Variants in AHCTF1 observed in about 807,000 individuals in gnomAD.
AHCTF1 encodes AT-hook containing transcription factor 1.
A neutral mutation model predicts 248.4 loss-of-function variants in AHCTF1; 24 were observed. The observed-to-expected ratio is 0.10, with a 90% CI of 0.07 to 0.14. AHCTF1 has a LOEUF of 0.14. Among genes scored for constraint, AHCTF1 ranks in the 10% least tolerant of loss-of-function variants. AHCTF1 has a pLI of 1.00. For missense variants in AHCTF1, 2,206 were observed against 2,636.2 expected (o/e 0.84, Z 3.57); for synonymous variants, 786 against 929.8 (o/e 0.85, Z 2.81).
intron 14 of AHCTF1, among the ~76,000 whole-genome samples, chr1:246,893,182 A>G (rs1176078577): frequency 6.6e-6 from 1 of 152,192 alleles, no homozygotes; most frequent in African/African-American, 2.4e-5. Flanking sequence ...CTCTTAAAAA[A>G]ATGAGGACAT....
intron 1 of AHCTF1, among the ~76,000 whole-genome samples, chr1:246,927,669 C>CTAGA (rs1667034862): frequency 6.6e-6 from 1 of 152,232 alleles, no homozygotes; most frequent in South Asian, 2.1e-4. Flanking sequence ...TTTCCAAAGG[C>CTAGA]TAGATAGGCA....
At chr1:246,927,733 G>A (rs1572482813) in intron 1 of AHCTF1, among the ~76,000 whole-genome samples, 1 of 152,308 alleles carries the variant, frequency 6.6e-6, no homozygotes, top group Non-Finnish European at 1.5e-5. Context: ...GGCCGGGCGC[G>A]GTAGCTCAAG....
Position 246,843,934 on chromosome 1 carries a change from A to C in AHCTF1, c.6392-6T>G. ...AGGAACCTCTATTTTTTTAGCTAAA[A>C]AAAGTTGAAAAAACTGTATCTGTAT... On this transcript the variant is annotated splice_polypyrimidine_tract_variant and splice_region_variant and intron_variant, in intron 33 of 35. Coordinates refer to ENST00000648844, the MANE Select transcript of AHCTF1 (RefSeq NM_001323342.2). 7.0e-7 allele frequency: 1 copy of C among 1,429,948 alleles called. No individual in the cohort carries two copies. The highest frequency in any genetic ancestry group is 9.2e-7 in the Non-Finnish European group (1 of 1,086,100). 88.6% of individuals were successfully genotyped at this position (1,429,948 alleles called of 1,614,324 possible).
At position 246,861,895 on chromosome 1, in the gene AHCTF1, A is replaced by C. The variant is rs990025238; in HGVS notation, c.3735+64T>G. The C allele has an allele frequency of 3.0e-6, 4 of 1,353,060 alleles. No individual in the cohort carries two copies. The African/African-American group carries it at 5.9e-5, about 20-fold the overall frequency. 83.8% of individuals were successfully genotyped at this position (1,353,060 alleles called of 1,614,324 possible). A position where few individuals can be genotyped will look rare whatever the true frequency, so the allele number is the denominator to read the frequency against. On this transcript the variant is annotated intron_variant, in intron 28 of 35. Coordinates refer to ENST00000648844, the MANE Select transcript of AHCTF1 (RefSeq NM_001323342.2). ...AAAAACTTGATTTATCTAACTTTTTACTTGTCAGAGCTAATACATTCTTAT... is the reference window on the plus strand; with the variant it reads ...AAAAACTTGATTTATCTAACTTTTTCCTTGTCAGAGCTAATACATTCTTAT...
At position 246,843,710 on chromosome 1, in the gene AHCTF1, TTAAA is replaced by T. The variant is rs869130930; in HGVS notation, c.6525+81_6525+84del. The T allele has an allele frequency of 1.5e-5, 15 of 976,230 alleles. No individual in the cohort carries two copies. The African/African-American group carries it at 2.7e-4, about 18-fold the overall frequency. 60.5% of individuals were successfully genotyped at this position (976,230 alleles called of 1,614,324 possible). ...AAACAAAATTTAAAATCATTAAAATTTAAATAAAATAATTTTATTAAAACATTTG... is the reference window on the plus strand; with the variant it reads ...AAACAAAATTTAAAATCATTAAAATTTAAAATAATTTTATTAAAACATTTG... On this transcript the variant is annotated intron_variant, in intron 34 of 35. Transcript: ENST00000648844.
chr1:246,854,273 T>A (rs1229440914), intron 31 of AHCTF1, among the ~76,000 whole-genome samples: 3 of 137,318 alleles, frequency 2.2e-5, no homozygotes, highest in Non-Finnish European at 4.5e-5. Flanking sequence ...CACTCTAGCC[T>A]GGGTGACAGA....
intron 24 of AHCTF1, among the ~76,000 whole-genome samples, chr1:246,873,455 C>A (rs149947550): frequency 6.6e-6 from 1 of 151,532 alleles, no homozygotes; most frequent in Non-Finnish European, 1.5e-5. Flanking sequence ...TGCATCATAG[C>A]GAAGGGAAAG....
intron 14 of AHCTF1, among the ~76,000 whole-genome samples, chr1:246,892,178 CAA>C (rs1462664302): frequency 6.6e-6 from 1 of 151,760 alleles, no homozygotes; most frequent in Non-Finnish European, 1.5e-5. Context: ...CAGCACACAT[CAA>C]AAGACAGGGA....
chr1:246,844,530 G>C (rs1187340667), intron 33 of AHCTF1, among the ~76,000 whole-genome samples: 1 of 152,112 alleles, frequency 6.6e-6, no homozygotes, highest in African/African-American at 2.4e-5. Context: ...AGACTAGCCT[G>C]ATCAACAAAG....
chr1:246,927,155 G>A (rs1222756471), intron 1 of AHCTF1, among the ~76,000 whole-genome samples: 3 of 151,424 alleles, frequency 2.0e-5, no homozygotes, highest in African/African-American at 7.3e-5. Context: ...TCCAGCCTGG[G>A]CGACAGAGCG....
intron 5 of AHCTF1, among the ~76,000 whole-genome samples, chr1:246,906,938 G>C (rs529266507): frequency 6.6e-6 from 1 of 152,210 alleles, no homozygotes; most frequent in Admixed American, 6.5e-5. Context: ...AGGTACTTCT[G>C]AAAGAACTCA....
At chr1:246,924,171 A>G (rs1234092227) in intron 1 of AHCTF1, among the ~76,000 whole-genome samples, 1 of 152,234 alleles carries the variant, frequency 6.6e-6, no homozygotes, top group Non-Finnish European at 1.5e-5. Context: ...AAATAACAGG[A>G]TAACAGCCAC....
At chr1:246,925,646 A>G (rs569661012) in intron 1 of AHCTF1, among the ~76,000 whole-genome samples, 2 of 152,258 alleles carry the variant, frequency 1.3e-5, no homozygotes, top group East Asian at 1.9e-4. Flanking sequence ...TGTGGTTTGT[A>G]TAACTGTCCC....
At chr1:246,867,895 C>CT in intron 24 of AHCTF1, 84 bp from the exon 25 acceptor site, 1 of 554,682 alleles carries the variant, frequency 1.8e-6, no homozygotes, top group East Asian at 4.6e-5. Flanking sequence ...GATTACACCC[C>CT]CCCCCCCACA....
chr1:246,850,039 C>T lies in AHCTF1; in HGVS notation c.5967G>A (p.Lys1989=). The T allele has an allele frequency of 1.2e-6, 2 of 1,613,872 alleles. No homozygotes were observed. The highest frequency in any genetic ancestry group is 1.7e-4 in the Middle Eastern group (1 of 6,056). ...TGGGGCTTCTCTCTTCCTTAACAGC[C>T]TTAGATCCTACATCTTCAGATGGAT... ...KINPSEDVGS[K]AVKEERSPKK... is the part of the protein sequence containing the mutation. Residue 1989 remains lysine, a synonymous_variant, in exon 33 of 36, where the codon AAG becomes AAA. Transcript: ENST00000648844.
Position 246,898,279 on chromosome 1 carries a change from A to C in AHCTF1, c.1552T>G (p.Tyr518Asp), listed in dbSNP as rs764623442. The change falls in exon 12 of 36, where the codon TAT becomes GAT. Residue 518 changes from tyrosine to aspartate, a missense_variant. Transcript: ENST00000648844. The stretch of plus-strand genomic sequence containing the variant: ...AGGCCAGCTACAAGACATCGATTAT[A>C]ACCATCAGGAATGAGTTCATTGAGT... ...PSLNELIPDG[Y>D]NRCLVAGLLS... 1 of 1,613,024 alleles carries C rather than the reference A, an allele frequency of 6.2e-7. No individual in the cohort carries two copies. Among genetic ancestry groups the C allele is most frequent in the East Asian group, 2.2e-5 (1 of 44,864 alleles).
rs546755428 is a variant in AHCTF1 at position 246,875,777 on chromosome 1, C to T, written c.3088+260G>A. Among the ~76,000 whole-genome samples, 27 of 152,236 alleles carry T rather than the reference C, an allele frequency of 1.8e-4. No homozygotes were observed. In the South Asian group the frequency reaches 5.6e-3, roughly 32 times the overall value. On this transcript the variant is annotated intron_variant, in intron 24 of 35. Transcript: ENST00000648844. Reference sequence around the variant, plus strand: ...TTGCATTTCAAAATTAAGGTATGTACACTGGTTTTAAGAATAATGCTACTG... The same window carrying T: ...TTGCATTTCAAAATTAAGGTATGTATACTGGTTTTAAGAATAATGCTACTG...
intron 4 of AHCTF1, among the ~76,000 whole-genome samples, chr1:246,912,874 T>G (rs1665905178): frequency 6.6e-6 from 1 of 152,216 alleles, no homozygotes; most frequent in African/African-American, 2.4e-5. Flanking sequence ...AATTTCATAT[T>G]GGCTGATAAG....
At chr1:246,849,066 G>A (rs1660501257) in intron 33 of AHCTF1, among the ~76,000 whole-genome samples, 1 of 152,174 alleles carries the variant, frequency 6.6e-6, no homozygotes, top group African/African-American at 2.4e-5. Context: ...GATCACCCCT[G>A]TTGAGAAGCT....
Sources: allele counts gnomAD v4.1 joint callset (sites outside exome capture counted in the v4.1 genomes callset), GRCh38; gene constraint gnomAD v4.1.1; transcripts MANE v1.5; gene names NCBI Gene and HGNC (gene_info 2026-07-23, HGNC 2026-07-21).